The following NEGR1 variants were observed in gnomAD, a reference collection of about 807,000 sequenced individuals.
NEGR1 encodes the protein IgLON family member 4.
NEGR1 carries 10 observed loss-of-function variants against 40.9 expected under a neutral mutation model. The observed-to-expected ratio is 0.24, with a 90% CI of 0.15 to 0.42. The LOEUF (loss-of-function observed/expected upper bound fraction) is 0.42. Ranked by LOEUF, NEGR1 falls within the 10% of genes least tolerant of loss-of-function variation. NEGR1 has a pLI of 1.00. For missense variants in NEGR1, 352 were observed against 438.9 expected (o/e 0.80, Z 1.77); for synonymous variants, 185 against 166.8 (o/e 1.11, Z -0.84).
intron 1 of NEGR1, among the ~76,000 whole-genome samples, chr1:72,156,319 G>T (rs1293221852): frequency 6.6e-6 from 1 of 151,954 alleles, no homozygotes; most frequent in African/African-American, 2.4e-5. Context: ...CTATTTTGGG[G>T]CTTGGGAGTC....
At chr1:72,135,395 AAC>A (rs1260661739) in intron 1 of NEGR1, among the ~76,000 whole-genome samples, 120 of 137,434 alleles carry the variant, frequency 8.7e-4, no homozygotes, top group African/African-American at 3.1e-3. Flanking sequence ...AAAAACAAAA[AAC>A]AAAAAACAAA....
chr1:72,100,114 G>A (rs1648876745), intron 1 of NEGR1, among the ~76,000 whole-genome samples: 1 of 152,096 alleles, frequency 6.6e-6, no homozygotes, highest in Non-Finnish European at 1.5e-5. Context: ...AAATGCACTT[G>A]TAAATTCTGT....
chr1:71,533,676 T>C (rs1385571817), intron 6 of NEGR1, among the ~76,000 whole-genome samples: 6 of 151,676 alleles, frequency 4.0e-5, no homozygotes, highest in African/African-American at 1.4e-4. Flanking sequence ...ATAAATTCTA[T>C]GGTATTTTAA....
chr1:72,086,509 G>T (rs180828908), intron 1 of NEGR1, among the ~76,000 whole-genome samples: 40 of 152,316 alleles, frequency 2.6e-4, no homozygotes, highest in Non-Finnish European at 4.9e-4. Context: ...GGAATATTGA[G>T]TGCCCAAATT....
rs142338861 is a variant in NEGR1, at chr1:71,405,512, CTT to C, written c.*1932_*1933del. The stretch of plus-strand genomic sequence containing the variant: ...AAATGCCATATTTGTTCTAAAAACT[CTT>C]TTTTAATGTATCAATCAAAATAATG... On this transcript the variant is annotated 3_prime_UTR_variant, in exon 7 of 7. Coordinates refer to ENST00000357731, the MANE Select transcript of NEGR1 (RefSeq NM_173808.3). 6.6e-6 allele frequency: 1 copy of C among 151,878 alleles called. No homozygotes were observed. The highest frequency in any genetic ancestry group is 2.4e-5 in the African/African-American group (1 of 41,310). 9.4% of individuals were successfully genotyped at this position (151,878 alleles called of 1,614,324 possible). A position where few individuals can be genotyped will look rare whatever the true frequency, so the allele number is the denominator to read the frequency against.
At chr1:71,920,234 C>T (rs1645700212) in intron 2 of NEGR1, among the ~76,000 whole-genome samples, 1 of 152,136 alleles carries the variant, frequency 6.6e-6, no homozygotes, top group Non-Finnish European at 1.5e-5. Flanking sequence ...CTCATCTTGT[C>T]CTGTTCCTAC....
intron 1 of NEGR1, among the ~76,000 whole-genome samples, chr1:72,069,611 T>C (rs11808593): frequency 0.015 from 2,276 of 152,144 alleles, 55 homozygotes; most frequent in African/African-American, 0.052. Flanking sequence ...ATAGAACACA[T>C]GCACAGTCTT....
At chr1:72,088,654 A>G (rs1648321383) in intron 1 of NEGR1, among the ~76,000 whole-genome samples, 1 of 152,270 alleles carries the variant, frequency 6.6e-6, no homozygotes, top group African/African-American at 2.4e-5. Context: ...ATAATGTATA[A>G]TGTGTTCAAC....
At chr1:72,222,744 G>T (rs772862787) in intron 1 of NEGR1, among the ~76,000 whole-genome samples, 16 of 152,098 alleles carry the variant, frequency 1.1e-4, no homozygotes, top group African/African-American at 1.7e-4. Flanking sequence ...AACAGTTTCT[G>T]CCTGGTTCTC....
intron 1 of NEGR1, among the ~76,000 whole-genome samples, chr1:72,034,511 C>A (rs1646885657): frequency 6.6e-6 from 1 of 152,088 alleles, no homozygotes; most frequent in South Asian, 2.1e-4. Flanking sequence ...TATTTTACAT[C>A]CACAGGACCT....
intron 2 of NEGR1, among the ~76,000 whole-genome samples, chr1:71,809,559 T>C (rs1267397871): frequency 6.6e-6 from 1 of 152,172 alleles, no homozygotes. Context: ...AAAGGACTAA[T>C]TGAACAACCA....
At chr1:71,721,067 G>A (rs922548380) in intron 3 of NEGR1, among the ~76,000 whole-genome samples, 1 of 152,064 alleles carries the variant, frequency 6.6e-6, no homozygotes, top group East Asian at 1.9e-4. Context: ...CAATAAGTTT[G>A]CACATTTCAA....
intron 6 of NEGR1, among the ~76,000 whole-genome samples, chr1:71,559,019 G>GTATATA (rs1553150124): frequency 2.2e-4 from 25 of 114,076 alleles, no homozygotes; most frequent in African/African-American, 7.0e-4. Flanking sequence ...CTGTGTGTGT[G>GTATATA]TATATATATA....
chr1:71,939,766 A>G (rs956753750), intron 1 of NEGR1, among the ~76,000 whole-genome samples: 1 of 151,292 alleles, frequency 6.6e-6, no homozygotes, highest in Non-Finnish European at 1.5e-5. Flanking sequence ...GAACTACAAC[A>G]TTTGACTCTA....
At chr1:71,903,749 C>T (rs1346248927) in intron 2 of NEGR1, among the ~76,000 whole-genome samples, 1 of 151,620 alleles carries the variant, frequency 6.6e-6, no homozygotes, top group Non-Finnish European at 1.5e-5. Context: ...ACACACATCC[C>T]TAATACATAG....
chr1:71,603,026 AAAT>A (rs1649972751), intron 5 of NEGR1, among the ~76,000 whole-genome samples: 1 of 152,260 alleles, frequency 6.6e-6, no homozygotes, highest in Admixed American at 6.5e-5. Flanking sequence ...GAAATAAATA[AAAT>A]AATAAACAAC....
In NEGR1 at chr1:71,467,084, T is replaced by C. The variant is rs370955214; in HGVS notation, c.941-59514A>G. On this transcript the variant is annotated intron_variant, in intron 6 of 6. Transcript: ENST00000357731. ...CATTTATGTAGCAATGTTAAAAACA[T>C]ATTCACATACATTATAAAGTTAAAT... Among the ~76,000 whole-genome samples, 30 of 152,230 alleles carry C rather than the reference T, an allele frequency of 2.0e-4. No individual in the cohort carries two copies. In the South Asian group the frequency reaches 5.8e-3, roughly 29 times the overall value.
intron 2 of NEGR1, among the ~76,000 whole-genome samples, chr1:71,929,947 G>A (rs887291367): frequency 2.0e-5 from 3 of 152,038 alleles, no homozygotes; most frequent in African/African-American, 7.2e-5. Context: ...TGGCCACATA[G>A]AGTAATTGCT....
At chr1:71,636,258 G>C (rs905137356) in intron 4 of NEGR1, among the ~76,000 whole-genome samples, 1 of 152,074 alleles carries the variant, frequency 6.6e-6, no homozygotes, top group East Asian at 1.9e-4. Context: ...CAAGAGATGT[G>C]AAGAAAATCA....
Sources: gnomAD v4.1 joint callset for allele counts (sites outside exome capture counted in the v4.1 genomes callset) on GRCh38, gnomAD v4.1.1 for gene constraint, MANE v1.5 for transcripts, NCBI Gene and HGNC (gene_info 2026-07-23, HGNC 2026-07-21) for gene names.